Variants in CACNA2D1 observed in about 807,000 individuals in gnomAD.
The protein encoded by CACNA2D1 is voltage-dependent calcium channel subunit alpha-2/delta-1.
A neutral mutation model predicts 171.5 loss-of-function variants in CACNA2D1; 53 were observed. That is an observed-to-expected ratio of 0.31 (90% CI 0.25 to 0.39). The LOEUF (loss-of-function observed/expected upper bound fraction) is 0.39, where lower values mean the gene tolerates loss of function less well. Ranked by LOEUF, CACNA2D1 falls within the 10% of genes least tolerant of loss-of-function variation. CACNA2D1 has a pLI of 1.00. For missense variants in CACNA2D1, 903 were observed against 1,299.8 expected (o/e 0.69, Z 4.69); for synonymous variants, 442 against 443.1 (o/e 1.00, Z 0.03).
chr7:82,257,091 G>A (rs1367043291), intron 3 of CACNA2D1, among the ~76,000 whole-genome samples: 1 of 152,072 alleles, frequency 6.6e-6, no homozygotes, highest in Non-Finnish European at 1.5e-5. Flanking sequence ...TTGCTACACT[G>A]GCTTCATTTT....
intron 7 of CACNA2D1, among the ~76,000 whole-genome samples, chr7:82,081,279 GTA>G (rs1809732704): frequency 6.6e-6 from 1 of 152,136 alleles, no homozygotes; most frequent in Non-Finnish European, 1.5e-5. Flanking sequence ...GATCAGAGAA[GTA>G]TATATAGTCT....
intron 1 of CACNA2D1, among the ~76,000 whole-genome samples, chr7:82,398,090 G>A (rs1425462563): frequency 1.3e-5 from 2 of 152,136 alleles, no homozygotes; most frequent in Non-Finnish European, 1.5e-5. Context: ...ATCTAAAGAT[G>A]AAGTCACTCC....
intron 1 of CACNA2D1, among the ~76,000 whole-genome samples, chr7:82,394,773 G>A (rs1375201753): frequency 6.6e-6 from 1 of 152,104 alleles, no homozygotes; most frequent in Non-Finnish European, 1.5e-5. Context: ...GAGAAGTGAA[G>A]GAGAACAGAA....
chr7:82,343,708 C>G (rs1046184514), intron 2 of CACNA2D1, among the ~76,000 whole-genome samples: 4 of 151,984 alleles, frequency 2.6e-5, no homozygotes, highest in Non-Finnish European at 5.9e-5. Context: ...TTTTCCATAT[C>G]TGAAGCTATA....
intron 3 of CACNA2D1, among the ~76,000 whole-genome samples, chr7:82,174,652 C>T (rs965551744): frequency 1.1e-4 from 16 of 151,948 alleles, no homozygotes; most frequent in African/African-American, 3.1e-4. Context: ...AACCAAAACA[C>T]TAGAATTCAA....
At chr7:82,196,884 G>A (rs1466223352) in intron 3 of CACNA2D1, among the ~76,000 whole-genome samples, 2 of 151,756 alleles carry the variant, frequency 1.3e-5, no homozygotes, top group Non-Finnish European at 2.9e-5. Context: ...GGTAGAGTGG[G>A]AGAAAAGTAA....
intron 5 of CACNA2D1, among the ~76,000 whole-genome samples, chr7:82,133,279 T>C (rs1032266895): frequency 2.6e-5 from 4 of 152,168 alleles, no homozygotes; most frequent in Non-Finnish European, 5.9e-5. Flanking sequence ...ATTTCACAGA[T>C]ATGTAAACAA....
At chr7:82,201,674 G>A (rs1336437130) in intron 3 of CACNA2D1, among the ~76,000 whole-genome samples, 1 of 152,170 alleles carries the variant, frequency 6.6e-6, no homozygotes, top group Non-Finnish European at 1.5e-5. Flanking sequence ...CAGAGGTTTT[G>A]CTACCCTTCG....
intron 1 of CACNA2D1, among the ~76,000 whole-genome samples, chr7:82,350,877 T>C (rs956823452): frequency 2.6e-5 from 4 of 152,328 alleles, no homozygotes; most frequent in Admixed American, 1.3e-4. Flanking sequence ...AGGTATGCAA[T>C]GGACATCTTA....
At chr7:82,325,354 T>C (rs1370567396) in intron 3 of CACNA2D1, among the ~76,000 whole-genome samples, 1 of 152,176 alleles carries the variant, frequency 6.6e-6, no homozygotes, top group Non-Finnish European at 1.5e-5. Context: ...CTAGCTAAAC[T>C]ACACTCTAGG....
At chr7:81,972,459 G>T (rs932080634) in intron 25 of CACNA2D1, among the ~76,000 whole-genome samples, 2 of 151,784 alleles carry the variant, frequency 1.3e-5, no homozygotes, top group Non-Finnish European at 2.9e-5. Context: ...CGAGGAGCAA[G>T]GAATGGAATG....
chr7:82,289,298 AT>A (rs150575346), intron 3 of CACNA2D1, among the ~76,000 whole-genome samples: 3,577 of 152,186 alleles, frequency 0.024, 121 homozygotes, highest in African/African-American at 0.082. Flanking sequence ...GACACCTCAC[AT>A]TTTTTTCTTT....
intron 1 of CACNA2D1, among the ~76,000 whole-genome samples, chr7:82,426,625 T>A (rs2129458209): frequency 6.6e-6 from 1 of 152,312 alleles, no homozygotes; most frequent in East Asian, 1.9e-4. Context: ...TGCTTATGTA[T>A]CTTTAACGTT....
intron 3 of CACNA2D1, 83 bp downstream of exon 3, chr7:82,335,052 C>T (rs998027989): frequency 1.6e-5 from 15 of 912,850 alleles, no homozygotes; most frequent in Non-Finnish European, 2.6e-5. Context: ...GAACGCATAC[C>T]AAAACCCCTC....
At chr7:81,980,716 G>C (rs1796358508) in intron 24 of CACNA2D1, among the ~76,000 whole-genome samples, 1 of 152,114 alleles carries the variant, frequency 6.6e-6, no homozygotes, top group Non-Finnish European at 1.5e-5. Context: ...GTGAGAGAAG[G>C]CAGTGACCTG....
chr7:82,224,820 T>C lies in CACNA2D1; in HGVS notation c.295-54211A>G, dbSNP rs375003794. Among the ~76,000 whole-genome samples, 217 of 152,294 alleles carry C rather than the reference T, an allele frequency of 1.4e-3. 5 individuals carry two copies. In the South Asian group the frequency reaches 0.044, roughly 31 times the overall value. On this transcript the variant is annotated intron_variant, in intron 3 of 38. Coordinates refer to ENST00000356860, the MANE Select transcript of CACNA2D1 (RefSeq NM_000722.4). ...GTGCGATGACAGATGAAATTTCTGC[T>C]TTTATTTGGATGTGAAATTCAAACC...
chr7:82,298,006 T>C (rs756111729), intron 3 of CACNA2D1, among the ~76,000 whole-genome samples: 41 of 152,088 alleles, frequency 2.7e-4, no homozygotes, highest in Non-Finnish European at 5.3e-4. Flanking sequence ...TCATTAAATA[T>C]ATTAAAACAA....
At chr7:82,183,048 A>G (rs1305059470) in intron 3 of CACNA2D1, among the ~76,000 whole-genome samples, 1 of 152,030 alleles carries the variant, frequency 6.6e-6, no homozygotes, top group East Asian at 1.9e-4. Context: ...AAAAAAAAAA[A>G]AAAAAGTGAG....
chr7:82,388,774 CT>C (rs1267886465), intron 1 of CACNA2D1, among the ~76,000 whole-genome samples: 1 of 152,140 alleles, frequency 6.6e-6, no homozygotes, highest in Non-Finnish European at 1.5e-5. Context: ...ATCCTCTAAA[CT>C]TTTATTTCCA....
Sources: gnomAD v4.1 joint callset for allele counts (sites outside exome capture counted in the v4.1 genomes callset) on GRCh38, gnomAD v4.1.1 for gene constraint, MANE v1.5 for transcripts, NCBI Gene and HGNC (gene_info 2026-07-23, HGNC 2026-07-21) for gene names.